PARD3: variants seen among roughly 807,000 people sequenced by gnomAD.
PARD3 encodes partitioning defective 3 homolog.
A neutral mutation model predicts 155.4 loss-of-function variants in PARD3; 75 were observed. The observed-to-expected ratio is 0.48, with a 90% CI of 0.40 to 0.58. PARD3 has a LOEUF of 0.58. PARD3 is among the 20% of genes least tolerant of loss of function. The pLI, the probability that PARD3 is intolerant of heterozygous loss-of-function variation, is 0.00. For missense variants in PARD3, 1,642 were observed against 1,721.7 expected (o/e 0.95, Z 0.82); for synonymous variants, 576 against 610.5 (o/e 0.94, Z 0.83).
chr10:34,407,421 G>A (rs1162933093), intron 5 of PARD3, among the ~76,000 whole-genome samples: 5 of 152,188 alleles, frequency 3.3e-5, no homozygotes, highest in African/African-American at 9.7e-5. Flanking sequence ...CAGCGCAGGC[G>A]TGTTGACTCA....
chr10:34,462,702 G>A (rs111573453), intron 4 of PARD3, among the ~76,000 whole-genome samples: 85 of 151,594 alleles, frequency 5.6e-4, no homozygotes, highest in Non-Finnish European at 8.5e-4. Context: ...AGCTGGGTGG[G>A]GTGGCCCATG....
intron 2 of PARD3, among the ~76,000 whole-genome samples, chr10:34,584,320 G>A (rs1457956606): frequency 6.6e-6 from 1 of 152,172 alleles, no homozygotes; most frequent in Non-Finnish European, 1.5e-5. Flanking sequence ...TCTTTCTAGT[G>A]TAGTAAGGAG....
intron 19 of PARD3, among the ~76,000 whole-genome samples, chr10:34,321,573 A>T (rs1233214547): frequency 1.3e-5 from 2 of 152,240 alleles, no homozygotes. Flanking sequence ...ATTACCTATA[A>T]AGATAGGCAC....
chr10:34,324,261 C>A (rs1029218054), intron 19 of PARD3, among the ~76,000 whole-genome samples: 9 of 152,190 alleles, frequency 5.9e-5, no homozygotes, highest in African/African-American at 1.9e-4. Context: ...AGCGAATGTT[C>A]TTACCTACCA....
intron 2 of PARD3, among the ~76,000 whole-genome samples, chr10:34,630,030 G>A (rs1322682594): frequency 1.3e-5 from 2 of 152,102 alleles, no homozygotes; most frequent in African/African-American, 2.4e-5. Context: ...TGATGAAAAC[G>A]TGTAGCCCCT....
chr10:34,193,674 C>T (rs1950814034), intron 22 of PARD3, among the ~76,000 whole-genome samples: 1 of 152,182 alleles, frequency 6.6e-6, no homozygotes, highest in Non-Finnish European at 1.5e-5. Flanking sequence ...TTCTGTATGA[C>T]TTTCGCTTCA....
chr10:34,382,600 C>T lies in PARD3; in HGVS notation c.1339G>A (p.Val447Ile). ...TTTTTGGTGTTATAACCACTGCTTA[C>T]AGTCGTACTAAATACATTCTGAGGT... ...SAPQNVFSTT[V>I]SSGYNTKKIG... Residue 447 changes from valine to isoleucine, a missense_variant, in exon 9 of 25, where the codon GTA becomes ATA. Physicochemically the swap from Val to Ile is conservative, Grantham distance 29. This residue lies in a region of PARD3 where 1,529 missense variants were observed against 1,587.3 expected (regional missense o/e 0.96). Coordinates refer to ENST00000374788, the MANE Select transcript of PARD3 (RefSeq NM_001184785.2). 6.2e-7 allele frequency: 1 copy of T among 1,613,916 alleles called. No homozygotes were observed. The highest frequency in any genetic ancestry group is 8.5e-7 in the Non-Finnish European group (1 of 1,180,006).
chr10:34,120,733 G>A (rs1946949553), intron 23 of PARD3, among the ~76,000 whole-genome samples: 1 of 152,114 alleles, frequency 6.6e-6, no homozygotes, highest in Admixed American at 6.5e-5. Context: ...TTGGTTATTA[G>A]GTAATGCATT....
chr10:34,318,985 T>C (rs1187459201), intron 19 of PARD3, among the ~76,000 whole-genome samples: 3 of 151,786 alleles, frequency 2.0e-5, no homozygotes, highest in African/African-American at 7.3e-5. Context: ...TTCACTATGT[T>C]GGCCAGGCTG....
intron 22 of PARD3, among the ~76,000 whole-genome samples, chr10:34,144,290 A>G (rs1359621499): frequency 6.6e-6 from 1 of 152,186 alleles, no homozygotes; most frequent in African/African-American, 2.4e-5. Flanking sequence ...TTCTTAAATG[A>G]AACTTCTGCT....
At chr10:34,778,617 G>A (rs1839880287) in intron 1 of PARD3, among the ~76,000 whole-genome samples, 2 of 150,304 alleles carry the variant, frequency 1.3e-5, no homozygotes, top group African/African-American at 4.9e-5. Flanking sequence ...GAGACATGGT[G>A]GAGGAAAATT....
intron 2 of PARD3, among the ~76,000 whole-genome samples, chr10:34,529,375 G>C (rs1445987188): frequency 6.6e-6 from 1 of 152,134 alleles, no homozygotes; most frequent in Non-Finnish European, 1.5e-5. Flanking sequence ...ACAAAACTAG[G>C]GAAAGAAAAG....
intron 15 of PARD3, among the ~76,000 whole-genome samples, chr10:34,342,020 C>T (rs1836884187): frequency 6.6e-6 from 1 of 152,162 alleles, no homozygotes; most frequent in Non-Finnish European, 1.5e-5. Context: ...ACCTCTGACG[C>T]TACAACTATA....
At chr10:34,786,451 T>C (rs6481911) in intron 1 of PARD3, among the ~76,000 whole-genome samples, 53,709 of 152,102 alleles carry the variant, frequency 0.35, 10,629 homozygotes, top group African/African-American at 0.55. Context: ...TTTACAGCAG[T>C]TAGGCCCCAT....
chr10:34,705,617 G>T (rs956740861), intron 1 of PARD3, among the ~76,000 whole-genome samples: 1 of 152,098 alleles, frequency 6.6e-6, no homozygotes, highest in African/African-American at 2.4e-5. Context: ...GGAGAAGACA[G>T]ACAGTCAGAT....
chr10:34,626,353 C>G lies in PARD3; in HGVS notation c.222+69965G>C, dbSNP rs536041417. Among the ~76,000 whole-genome samples, 76 of 152,176 alleles carry G rather than the reference C, an allele frequency of 5.0e-4. 1 individual carries two copies. Among genetic ancestry groups the G allele is most frequent in the Non-Finnish European group, 5.3e-4 (36 of 68,028 alleles). On this transcript the variant is annotated intron_variant, in intron 2 of 24. Transcript: ENST00000374788. ...GTGTGTGTACACTTTCTCTCTCCCCCCTCCTCTCTGTGTGTGAAGTGTCTT... is the reference window on the plus strand; with the variant it reads ...GTGTGTGTACACTTTCTCTCTCCCCGCTCCTCTCTGTGTGTGAAGTGTCTT...
intron 1 of PARD3, among the ~76,000 whole-genome samples, chr10:34,720,765 C>T (rs2094593620): frequency 2.0e-5 from 3 of 151,594 alleles, no homozygotes; most frequent in African/African-American, 7.3e-5. Flanking sequence ...CCATTGCACT[C>T]CAGCCTGGGC....
intron 4 of PARD3, among the ~76,000 whole-genome samples, chr10:34,463,306 G>A (rs1164425025): frequency 8.8e-6 from 1 of 113,368 alleles, no homozygotes; most frequent in Non-Finnish European, 1.8e-5. Context: ...AAGGGGAGGG[G>A]AAAGGGAAGG....
intron 22 of PARD3, among the ~76,000 whole-genome samples, chr10:34,170,259 A>T (rs1028116971): frequency 7.2e-5 from 11 of 152,026 alleles, no homozygotes; most frequent in African/African-American, 2.7e-4. Context: ...AGCTAATTTT[A>T]AAATTTCTTG....
Sources: allele counts gnomAD v4.1 joint callset (sites outside exome capture counted in the v4.1 genomes callset), GRCh38; gene constraint gnomAD v4.1.1; regional missense constraint gnomAD v4.1.1; transcripts MANE v1.5; gene names NCBI Gene and HGNC (gene_info 2026-07-23, HGNC 2026-07-21).